DPP10: variants seen among roughly 807,000 people sequenced by gnomAD.
The protein encoded by DPP10 is dipeptidyl peptidase like 10.
A neutral mutation model predicts 120.9 loss-of-function variants in DPP10; 33 were observed. The ratio of observed to expected loss-of-function variants is 0.27; its 90% CI spans 0.21 to 0.37. The LOEUF is 0.37. Among genes scored for constraint, DPP10 ranks in the 10% least tolerant of loss-of-function variants. The pLI, the probability that DPP10 is intolerant of heterozygous loss-of-function variation, is 1.00. For missense variants in DPP10, 816 were observed against 942.8 expected, an observed-to-expected ratio of 0.87 and a Z score of 1.76; for synonymous variants, 337 against 326.1, an observed-to-expected ratio of 1.03 and a Z score of -0.36.
chr2:115,278,752 A>G (rs1022074529), intron 1 of DPP10, among the ~76,000 whole-genome samples: 1 of 152,110 alleles, frequency 6.6e-6, no homozygotes, highest in Non-Finnish European at 1.5e-5. Context: ...TAAGCTATTC[A>G]TAAGGAATCC....
chr2:114,537,124 A>G (rs1266501002), intron 1 of DPP10, among the ~76,000 whole-genome samples: 1 of 152,198 alleles, frequency 6.6e-6, no homozygotes, highest in African/African-American at 2.4e-5. Context: ...ACTGTACCAC[A>G]TGCCTTTAGG....
intron 1 of DPP10, among the ~76,000 whole-genome samples, chr2:115,160,255 A>G (rs936506473): frequency 6.6e-6 from 1 of 152,006 alleles, no homozygotes; most frequent in Non-Finnish European, 1.5e-5. Context: ...ACTGGAATAC[A>G]TATTTTTGAA....
chr2:115,329,606 G>A (rs1279283922), intron 2 of DPP10, among the ~76,000 whole-genome samples: 1 of 151,958 alleles, frequency 6.6e-6, no homozygotes, highest in Admixed American at 6.6e-5. Context: ...CCAATGACAG[G>A]CCCTGGTGTG....
At chr2:115,368,307 G>C (rs370367844) in intron 3 of DPP10, among the ~76,000 whole-genome samples, 34 of 152,186 alleles carry the variant, frequency 2.2e-4, no homozygotes, top group African/African-American at 8.2e-4. Flanking sequence ...GCCCCTGGGG[G>C]CCATTGTGAA....
chr2:115,540,505 T>A (rs1008675432), intron 5 of DPP10, among the ~76,000 whole-genome samples: 1 of 151,884 alleles, frequency 6.6e-6, no homozygotes, highest in Non-Finnish European at 1.5e-5. Context: ...CTAATTCCTT[T>A]TCAAGAGACT....
chr2:115,561,264 C>T (rs1048870742), intron 5 of DPP10, among the ~76,000 whole-genome samples: 1 of 142,268 alleles, frequency 7.0e-6, no homozygotes, highest in African/African-American at 2.6e-5. Context: ...GAGGCTGAGA[C>T]AGGAGAATTG....
intron 21 of DPP10, among the ~76,000 whole-genome samples, chr2:115,831,969 A>G (rs980716465): frequency 4.6e-5 from 7 of 152,204 alleles, no homozygotes; most frequent in Admixed American, 4.6e-4. Context: ...TATTAAATCA[A>G]AAGTAGCCTC....
intron 1 of DPP10, among the ~76,000 whole-genome samples, chr2:114,575,388 A>G (rs916061118): frequency 4.6e-5 from 7 of 152,076 alleles, no homozygotes; most frequent in African/African-American, 1.4e-4. Flanking sequence ...AAGGGCATTA[A>G]CCTCTGGAAG....
At chr2:115,713,969 T>A (rs2092410519) in intron 7 of DPP10, among the ~76,000 whole-genome samples, 1 of 152,204 alleles carries the variant, frequency 6.6e-6, no homozygotes, top group South Asian at 2.1e-4. Context: ...CATTAAATCT[T>A]TTCAAGAGTT....
intron 5 of DPP10, among the ~76,000 whole-genome samples, chr2:115,643,504 G>C (rs2086960501): frequency 6.6e-6 from 1 of 152,120 alleles, no homozygotes; most frequent in Non-Finnish European, 1.5e-5. Context: ...TTAAAGAGGA[G>C]CCCACGATAT....
intron 1 of DPP10, among the ~76,000 whole-genome samples, chr2:115,027,452 G>A (rs936731125): frequency 6.6e-6 from 1 of 152,016 alleles, no homozygotes; most frequent in Non-Finnish European, 1.5e-5. Flanking sequence ...GCATTCTTGG[G>A]ATGAATCTCA....
intron 1 of DPP10, among the ~76,000 whole-genome samples, chr2:114,448,402 C>T (rs1201248373): frequency 6.6e-6 from 1 of 152,106 alleles, no homozygotes; most frequent in Non-Finnish European, 1.5e-5. Context: ...TTTGTGATGA[C>T]AAATTACTAA....
intron 1 of DPP10, among the ~76,000 whole-genome samples, chr2:114,601,993 A>G (rs1692407810): frequency 6.6e-6 from 1 of 151,988 alleles, no homozygotes; most frequent in Non-Finnish European, 1.5e-5. Context: ...CAATAGCAAT[A>G]ATACATACCT....
chr2:115,524,883 A>AT (rs2078031192), intron 4 of DPP10, among the ~76,000 whole-genome samples: 1 of 152,116 alleles, frequency 6.6e-6, no homozygotes, highest in South Asian at 2.1e-4. Flanking sequence ...CCAAATATAT[A>AT]TTTTATTATA....
intron 7 of DPP10, among the ~76,000 whole-genome samples, chr2:115,703,213 A>G (rs1243058867): frequency 6.6e-6 from 1 of 151,668 alleles, no homozygotes. Context: ...AAATTTATTT[A>G]TTATTATTAT....
chr2:115,076,835 G>A (rs1301611529), intron 1 of DPP10, among the ~76,000 whole-genome samples: 1 of 152,136 alleles, frequency 6.6e-6, no homozygotes, highest in Admixed American at 6.5e-5. Context: ...AACATGCCTT[G>A]TGTTCATATG....
intron 1 of DPP10, among the ~76,000 whole-genome samples, chr2:114,617,238 T>C (rs968710400): frequency 6.6e-6 from 1 of 152,122 alleles, no homozygotes. Context: ...CATTTACGTA[T>C]GGGTCAGCTT....
chr2:114,642,247 A>G (rs1223986657), intron 1 of DPP10, among the ~76,000 whole-genome samples: 2 of 151,910 alleles, frequency 1.3e-5, no homozygotes, highest in Non-Finnish European at 2.9e-5. Flanking sequence ...CATTTTTGTC[A>G]TTATACAGTC....
At chr2:114,939,574 A>G (rs539593862) in intron 1 of DPP10, among the ~76,000 whole-genome samples, 1 of 152,282 alleles carries the variant, frequency 6.6e-6, no homozygotes, top group East Asian at 1.9e-4. Flanking sequence ...CAAACTTAAG[A>G]TATGACTTAA....
Sources: allele counts gnomAD v4.1 joint callset (sites outside exome capture counted in the v4.1 genomes callset), GRCh38; gene constraint gnomAD v4.1.1; transcripts MANE v1.5; gene names NCBI Gene and HGNC (gene_info 2026-07-23, HGNC 2026-07-21).